The following EPG5 variants were observed in gnomAD, a reference collection of about 807,000 sequenced individuals.
EPG5 encodes the protein ectopic P granules protein 5 homolog.
Under a neutral mutation model 302.7 loss-of-function variants are expected in EPG5, and 159 were observed. The ratio of observed to expected loss-of-function variants is 0.53; its 90% CI spans 0.46 to 0.60. The LOEUF is 0.60. Ranked by LOEUF, EPG5 falls within the 20% of genes least tolerant of loss-of-function variation. EPG5 has a pLI of 0.00. For missense variants in EPG5, 2,896 were observed against 3,092.4 expected (o/e 0.94, Z 1.51); for synonymous variants, 1,158 against 1,136.8 (o/e 1.02, Z -0.37).
At position 45,923,477 on chromosome 18, in the gene EPG5, C is replaced by A. The variant is rs1173638933; in HGVS notation, c.2719-90G>T. The A allele has an allele frequency of 1.5e-5, 20 of 1,372,554 alleles. No individual in the cohort carries two copies. In the South Asian group the frequency reaches 2.1e-4, roughly 15 times the overall value. The allele number at this position is 1,372,554 out of a possible 1,614,324, so 85.0% of individuals were successfully genotyped here. On this transcript the variant is annotated intron_variant, in intron 14 of 43. Transcript: ENST00000282041. ...ATCAAAACATTAGGCAGAATAGTAA[C>A]AAAGGATCTTCGATGTAGAAGCTAA... is the stretch of plus-strand genomic sequence containing the variant.
At chr18:45,863,409 G>C (rs2048677099) in intron 39 of EPG5, among the ~76,000 whole-genome samples, 1 of 152,054 alleles carries the variant, frequency 6.6e-6, no homozygotes, top group Non-Finnish European at 1.5e-5. Context: ...TACTGACTTG[G>C]AAATTGTACA....
At chr18:45,957,043 T>C (rs1014470848) in intron 1 of EPG5, among the ~76,000 whole-genome samples, 7 of 152,050 alleles carry the variant, frequency 4.6e-5, no homozygotes, top group African/African-American at 1.7e-4. Context: ...AAAAACCTCA[T>C]TGAAATCACT....
At chr18:45,832,957 T>C in the EPG5 span, among the ~76,000 whole-genome samples, 1 of 151,962 alleles carries the variant, frequency 6.6e-6, no homozygotes, top group African/African-American at 2.4e-5. Context: ...ATTCAGCAGG[T>C]AAACAGGAAG....
intron 16 of EPG5, among the ~76,000 whole-genome samples, chr18:45,921,066 C>A (rs1214114006): frequency 6.6e-6 from 1 of 152,232 alleles, no homozygotes; most frequent in African/African-American, 2.4e-5. Flanking sequence ...TAAAGAACAG[C>A]AGAAGTTGAG....
rs369506924 is a variant in EPG5, at chr18:45,922,437, G to A, written c.3002C>T (p.Thr1001Ile). The A allele has an allele frequency of 4.5e-5, 73 of 1,614,120 alleles. No individual in the cohort carries two copies. Among genetic ancestry groups the A allele is most frequent in the Non-Finnish European group, 5.8e-5 (69 of 1,180,060 alleles). The change falls in exon 16 of 44, where the codon ACA becomes ATA. Residue 1001 changes from threonine (T) to isoleucine (I), a missense_variant. By Grantham distance (89) the Thr-to-Ile change is moderately conservative (BLOSUM62 -1). Coordinates refer to ENST00000282041, the MANE Select transcript of EPG5 (RefSeq NM_020964.3). ...VPFSVTVPDM[T>I]ESPTFHPLLK... is the part of the protein sequence containing the mutation. Reference sequence around the variant, plus strand: ...GAGAGGATGAAACGTGGGTGACTCTGTCATGTCAGGCACAGTGACGGAGAA... The same window carrying A: ...GAGAGGATGAAACGTGGGTGACTCTATCATGTCAGGCACAGTGACGGAGAA...
intron 16 of EPG5, among the ~76,000 whole-genome samples, chr18:45,921,983 C>T (rs1332783719): frequency 6.7e-6 from 1 of 149,158 alleles, no homozygotes; most frequent in Non-Finnish European, 1.5e-5. Context: ...AAAAAAAAAG[C>T]CTGAGTTGGG....
intron 9 of EPG5, among the ~76,000 whole-genome samples, chr18:45,940,843 G>A (rs2050650150): frequency 6.6e-6 from 1 of 152,186 alleles, no homozygotes; most frequent in South Asian, 2.1e-4. Context: ...AGGTGTTTTG[G>A]CCTGAGAAAC....
chr18:45,870,872 G>T, intron 35 of EPG5, 130 bp from the exon 36 acceptor site: 2 of 706,116 alleles, frequency 2.8e-6, no homozygotes, highest in Non-Finnish European at 2.2e-6. Context: ...AGATTTTCAT[G>T]TAGGGAGAGT....
intron 11 of EPG5, among the ~76,000 whole-genome samples, chr18:45,934,408 T>C (rs1003064012): frequency 3.9e-5 from 6 of 152,174 alleles, no homozygotes; most frequent in African/African-American, 1.4e-4. Flanking sequence ...CTTTAGTTCA[T>C]AAAAACAATA....
chr18:45,945,481 A>C (rs755045994), intron 7 of EPG5, among the ~76,000 whole-genome samples: 1 of 152,184 alleles, frequency 6.6e-6, no homozygotes, highest in African/African-American at 2.4e-5. Flanking sequence ...AATTCACTGA[A>C]TATTTAGGGA....
the EPG5 span, among the ~76,000 whole-genome samples, chr18:45,833,608 C>T: frequency 9.2e-5 from 14 of 152,240 alleles, no homozygotes; most frequent in East Asian, 1.9e-4. Flanking sequence ...CCACCACGCC[C>T]GGCCTCTTGT....
chr18:45,830,919 G>C, the EPG5 span, among the ~76,000 whole-genome samples: 1 of 152,116 alleles, frequency 6.6e-6, no homozygotes, highest in African/African-American at 2.4e-5. Context: ...TTTCTAAAAT[G>C]CTTTATGTGC....
rs1392476434 is a variant in EPG5 at position 45,946,718 on chromosome 18, G to A, written c.1622C>T (p.Ser541Phe). 2 of 1,614,070 alleles carry A rather than the reference G, an allele frequency of 1.2e-6. No individual in the cohort carries two copies. Among genetic ancestry groups the A allele is most frequent in the Non-Finnish European group, 1.7e-6 (2 of 1,180,044 alleles). Residue 541 changes from serine to phenylalanine, a missense_variant, in exon 7 of 44, where the codon TCC (serine) becomes TTC (phenylalanine). Physicochemically the swap from Ser to Phe is radical, Grantham distance 155. Around this residue, in one of 5 missense-constraint regions of EPG5, gnomAD observed 1,390 missense variants for 1,430.0 expected, o/e 0.97. Transcript: ENST00000282041. ...CHMKPSERKPSSSGPGSGTWT... is the reference protein window; with the variant it reads ...CHMKPSERKPFSSGPGSGTWT... ...AGTCCCAGACCCAGGCCCTGAGGAGGATGGCTTCCGCTCGCTGGGCTTCAT... is the reference window on the plus strand; with the variant it reads ...AGTCCCAGACCCAGGCCCTGAGGAGAATGGCTTCCGCTCGCTGGGCTTCAT...
chr18:45,879,159 T>A lies in EPG5; in HGVS notation c.5723A>T (p.Lys1908Met), dbSNP rs748625145. 2.5e-6 allele frequency: 4 copies of A among 1,614,116 alleles called. No individual in the cohort carries two copies. The highest frequency in any genetic ancestry group is 3.4e-6 in the Non-Finnish European group (4 of 1,180,018). Reference sequence around the variant, plus strand: ...TAAACCAAAGCTTTTAAAGTCCATCTTGGATAACCGAAGCTTATAAAAAAA... The same window carrying A: ...TAAACCAAAGCTTTTAAAGTCCATCATGGATAACCGAAGCTTATAAAAAAA... ...SDFFYKLRLSKMDFKSFGLFS... is the reference protein window; with the variant it reads ...SDFFYKLRLSMMDFKSFGLFS... Residue 1908 changes from lysine (K) to methionine (M), a missense_variant, in exon 33 of 44, where the codon AAG (lysine) becomes ATG (methionine). Transcript: ENST00000282041.
In EPG5 at chr18:45,848,565, T is replaced by C. The variant is rs1051479940; in HGVS notation, c.*3902A>G. On this transcript the variant is annotated 3_prime_UTR_variant, in exon 44 of 44. Coordinates refer to ENST00000282041, the MANE Select transcript of EPG5 (RefSeq NM_020964.3). ...TCTAACCCCAGGGCTGGGGCCAGAA[T>C]GAGGTAAAGGAGGCACCACGGGGGT... 3.9e-5 allele frequency: 6 copies of C among 152,242 alleles called. No individual in the cohort carries two copies. The highest frequency in any genetic ancestry group is 1.4e-4 in the African/African-American group (6 of 41,462). The allele number at this position is 152,242 out of a possible 1,614,324, so 9.4% of individuals were successfully genotyped here.
At chr18:45,963,334 A>G (rs72918393) in intron 1 of EPG5, among the ~76,000 whole-genome samples, 4,406 of 152,336 alleles carry the variant, frequency 0.029, 97 homozygotes, top group Non-Finnish European at 0.044. Context: ...AGAGGAAACA[A>G]CATGGGCAAA....
chr18:45,918,380 C>T (rs1176906939), intron 16 of EPG5, among the ~76,000 whole-genome samples: 6 of 152,158 alleles, frequency 3.9e-5, no homozygotes, highest in Non-Finnish European at 2.9e-5. Flanking sequence ...ATGAACATTT[C>T]CTTTGAGTGC....
At chr18:45,811,378 T>A in the EPG5 span, among the ~76,000 whole-genome samples, 1 of 152,136 alleles carries the variant, frequency 6.6e-6, no homozygotes, top group Non-Finnish European at 1.5e-5. Flanking sequence ...TTCCAATCAA[T>A]AGAGAAAGAG....
the EPG5 span, among the ~76,000 whole-genome samples, chr18:45,818,470 T>G: frequency 2.0e-5 from 3 of 152,308 alleles, no homozygotes; most frequent in African/African-American, 7.2e-5. Flanking sequence ...CTTTCCCTAC[T>G]CTTGTCAGGT....
Sources: allele counts gnomAD v4.1 joint callset (sites outside exome capture counted in the v4.1 genomes callset), GRCh38; gene constraint gnomAD v4.1.1; regional missense constraint gnomAD v4.1.1; transcripts MANE v1.5; gene names NCBI Gene and HGNC (gene_info 2026-07-23, HGNC 2026-07-21).